MOB1B: variants seen among roughly 807,000 people sequenced by gnomAD.
The protein encoded by MOB1B is MOB1 Mps One Binder homolog B.
MOB1B carries 19 observed loss-of-function variants against 24.4 expected under a neutral mutation model. The ratio of observed to expected loss-of-function variants is 0.78; its 90% CI spans 0.54 to 1.14. The LOEUF (loss-of-function observed/expected upper bound fraction) is 1.14. Among genes scored for constraint, MOB1B ranks in the 50% most tolerant of loss-of-function variants. MOB1B has a pLI of 0.00. For synonymous variants in MOB1B, 76 were observed against 82.1 expected (o/e 0.93, Z 0.40); for missense variants, 243 against 259.6 (o/e 0.94, Z 0.44).
chr4:70,905,364 T>A (rs1020677980), intron 1 of MOB1B, among the ~76,000 whole-genome samples: 4 of 151,520 alleles, frequency 2.6e-5, no homozygotes, highest in Non-Finnish European at 5.9e-5. Flanking sequence ...TCAAACCCCC[T>A]CCCCGCTACA....
chr4:70,979,325 G>T (rs1294356446), intron 5 of MOB1B, 34 bp downstream of exon 5: 4 of 1,557,234 alleles, frequency 2.6e-6, no homozygotes, highest in Non-Finnish European at 2.6e-6. Flanking sequence ...GGTGCTCAGG[G>T]TAAGCATTTA....
chr4:70,906,009 C>G (rs28499119), intron 1 of MOB1B, among the ~76,000 whole-genome samples: 1 of 151,904 alleles, frequency 6.6e-6, no homozygotes, highest in Admixed American at 6.6e-5. Context: ...TTAAATACTT[C>G]AAGGCTGTGG....
At chr4:70,944,024 T>C (rs924011201) in intron 1 of MOB1B, among the ~76,000 whole-genome samples, 2 of 152,158 alleles carry the variant, frequency 1.3e-5, no homozygotes, top group African/African-American at 4.8e-5. Context: ...AAAAATAACA[T>C]TTTTATGGCA....
At chr4:70,936,152 G>C (rs1426566728) in intron 1 of MOB1B, among the ~76,000 whole-genome samples, 1 of 151,596 alleles carries the variant, frequency 6.6e-6, no homozygotes, top group Non-Finnish European at 1.5e-5. Context: ...CGCCCGGCCG[G>C]TACACTAATT....
intron 1 of MOB1B, among the ~76,000 whole-genome samples, chr4:70,934,148 G>T (rs866574613): frequency 3.9e-5 from 6 of 152,206 alleles, no homozygotes; most frequent in Middle Eastern, 6.8e-3. Context: ...GCAGTGGCAC[G>T]ATCTCTGCTC....
chr4:70,943,678 C>T (rs774726138), intron 1 of MOB1B, among the ~76,000 whole-genome samples: 6 of 152,048 alleles, frequency 3.9e-5, no homozygotes, highest in African/African-American at 9.7e-5. Flanking sequence ...CAGGAGTTAA[C>T]GCACACTTCT....
intron 1 of MOB1B, among the ~76,000 whole-genome samples, chr4:70,955,528 T>A (rs1173006531): frequency 7.3e-6 from 1 of 137,510 alleles, no homozygotes; most frequent in Admixed American, 8.1e-5. Flanking sequence ...TGGAGTGCAA[T>A]GGCGTGATCT....
chr4:70,902,439 C>T lies in MOB1B; in HGVS notation c.-98C>T, dbSNP rs1364350980. ...GCTCTCGGCACCTCCTCCTCCGCCT[C>T]CCTGTCTCCTGTTCCATTCGCCTTT... On this transcript the variant is annotated 5_prime_UTR_variant, in exon 1 of 6. Coordinates refer to ENST00000309395, the MANE Select transcript of MOB1B (RefSeq NM_173468.4). 4 of 1,342,756 alleles carry T rather than the reference C, an allele frequency of 3.0e-6. No individual in the cohort carries two copies. Among genetic ancestry groups the T allele is most frequent in the Admixed American group, 3.9e-5 (2 of 50,748 alleles). The allele number at this position is 1,342,756 out of a possible 1,614,324, so 83.2% of individuals were successfully genotyped here. A position where few individuals can be genotyped will look rare whatever the true frequency, so the allele number is the denominator to read the frequency against.
intron 3 of MOB1B, among the ~76,000 whole-genome samples, chr4:70,972,024 A>C (rs1486180672): frequency 1.6e-5 from 2 of 128,756 alleles, no homozygotes; most frequent in African/African-American, 3.1e-5. Flanking sequence ...TTTTTTGGGG[A>C]GAATCGTGAC....
chr4:70,931,869 T>G (rs1736901516), intron 1 of MOB1B, among the ~76,000 whole-genome samples: 1 of 151,934 alleles, frequency 6.6e-6, no homozygotes, highest in Non-Finnish European at 1.5e-5. Context: ...TAGCTGGGAG[T>G]ACAGGCACAT....
At chr4:70,976,497 T>C (rs1436872939) in intron 4 of MOB1B, 1 of 985,166 alleles carries the variant, frequency 1.0e-6, no homozygotes. Flanking sequence ...AAGGGCAGAC[T>C]TATCAAGTAG....
intron 1 of MOB1B, among the ~76,000 whole-genome samples, chr4:70,943,881 C>A (rs950493983): frequency 2.0e-5 from 3 of 151,374 alleles, no homozygotes; most frequent in African/African-American, 7.3e-5. Context: ...TAAAAAAAAA[C>A]AAAACATTTC....
upstream of MOB1B, chr4:70,902,342 T>C (rs767443999): frequency 4.5e-6 from 3 of 672,872 alleles, no homozygotes; most frequent in Non-Finnish European, 8.1e-6. Flanking sequence ...AGACGAGCGC[T>C]ACCCACTTCC....
In MOB1B at chr4:70,949,088, C is replaced by T. The variant is rs182782030; in HGVS notation, c.15-9786C>T. 4.1e-3 allele frequency among the ~76,000 whole-genome samples: 626 copies of T among 152,298 alleles called. 3 individuals are homozygous for T. The highest frequency in any genetic ancestry group is 7.1e-3 in the Non-Finnish European group (482 of 68,026). ...GAATCACTCTTACCTTCATAGAGACCTCTACTGGGCATATCTATGCTAGGT... is the reference window on the plus strand; with the variant it reads ...GAATCACTCTTACCTTCATAGAGACTTCTACTGGGCATATCTATGCTAGGT... On this transcript the variant is annotated intron_variant, in intron 1 of 5. Transcript: ENST00000309395.
chr4:70,915,274 G>T (rs1490787914), intron 1 of MOB1B, among the ~76,000 whole-genome samples: 1 of 152,222 alleles, frequency 6.6e-6, no homozygotes, highest in Non-Finnish European at 1.5e-5. Context: ...TCGGTGGAGG[G>T]TGTCCAGGTT....
rs559149442 is a variant in MOB1B, at chr4:70,982,295, T to C, written c.*238T>C. The C allele has an allele frequency of 6.1e-6, 2 of 325,680 alleles. No homozygotes were observed. The highest frequency in any genetic ancestry group is 1.1e-5 in the Non-Finnish European group (2 of 178,660). 20.2% of individuals were successfully genotyped at this position (325,680 alleles called of 1,614,324 possible). A position where few individuals can be genotyped will look rare whatever the true frequency, so the allele number is the denominator to read the frequency against. On this transcript the variant is annotated 3_prime_UTR_variant, in exon 6 of 6. Coordinates refer to ENST00000309395, the MANE Select transcript of MOB1B (RefSeq NM_173468.4). ...AAATTTATCTTAGTGTTTTTAAACT[T>C]GGTTTTGGTTACTTGAGGAGTTTTT... is the stretch of plus-strand genomic sequence containing the variant.
chr4:70,902,606 C>A, intron 1 of MOB1B, 56 bp downstream of exon 1: 1 of 1,417,378 alleles, frequency 7.1e-7, no homozygotes, highest in Non-Finnish European at 9.3e-7. Context: ...TGGGCCCCCG[C>A]CCGCCGCCCG....
At chr4:70,907,792 G>GA (rs1735809686) in intron 1 of MOB1B, among the ~76,000 whole-genome samples, 1 of 152,132 alleles carries the variant, frequency 6.6e-6, no homozygotes, top group South Asian at 2.1e-4. Context: ...CAGCCTGGGT[G>GA]ACAGAGTGAG....
intron 1 of MOB1B, among the ~76,000 whole-genome samples, chr4:70,948,333 C>T (rs1021323340): frequency 1.3e-5 from 2 of 152,164 alleles, no homozygotes; most frequent in Non-Finnish European, 2.9e-5. Context: ...AGTCACATAC[C>T]TTACAAATCG....
Sources: gnomAD v4.1 joint callset for allele counts (sites outside exome capture counted in the v4.1 genomes callset) on GRCh38, gnomAD v4.1.1 for gene constraint, MANE v1.5 for transcripts, NCBI Gene and HGNC (gene_info 2026-07-23, HGNC 2026-07-21) for gene names.